The following GALNT13 variants were observed in gnomAD, a reference collection of about 807,000 sequenced individuals.
GALNT13 encodes UDP-GalNAc:polypeptide N-acetylgalactosaminyltransferase 13.
Under a neutral mutation model 64.2 loss-of-function variants are expected in GALNT13, and 28 were observed. The observed-to-expected ratio is 0.44, with a 90% CI of 0.32 to 0.60. GALNT13 has a LOEUF of 0.60. Ranked by LOEUF, GALNT13 falls within the 20% of genes least tolerant of loss-of-function variation. GALNT13 has a pLI of 0.05. For missense variants in GALNT13, 577 were observed against 669.8 expected, an observed-to-expected ratio of 0.86 and a Z score of 1.53; for synonymous variants, 214 against 224.6, an observed-to-expected ratio of 0.95 and a Z score of 0.42.
At chr2:153,200,452 A>T in the GALNT13 span, among the ~76,000 whole-genome samples, 1 of 152,016 alleles carries the variant, frequency 6.6e-6, no homozygotes, top group Non-Finnish European at 1.5e-5. Context: ...ACCTGTGGAA[A>T]CCCTTTTGTG....
chr2:154,184,089 A>G (rs1011237050), intron 4 of GALNT13, among the ~76,000 whole-genome samples: 2 of 151,774 alleles, frequency 1.3e-5, no homozygotes, highest in African/African-American at 4.8e-5. Flanking sequence ...AATTTATAAT[A>G]TATTTGAACT....
chr2:154,031,737 A>G (rs1037674482), intron 3 of GALNT13, among the ~76,000 whole-genome samples: 20 of 152,028 alleles, frequency 1.3e-4, no homozygotes, highest in African/African-American at 4.8e-4. Flanking sequence ...ATATGTACTT[A>G]ACAACATAAA....
chr2:154,382,639 C>A (rs189357666), intron 9 of GALNT13, among the ~76,000 whole-genome samples: 2 of 151,892 alleles, frequency 1.3e-5, no homozygotes, highest in Non-Finnish European at 2.9e-5. Flanking sequence ...CAGTGTCCTG[C>A]GGGTAACTAA....
the GALNT13 span, among the ~76,000 whole-genome samples, chr2:153,554,940 CTG>C: frequency 6.6e-6 from 1 of 152,068 alleles, no homozygotes; most frequent in Non-Finnish European, 1.5e-5. Flanking sequence ...AATGCAAACT[CTG>C]TTAGAGCAGG....
At chr2:153,122,373 A>G in the GALNT13 span, among the ~76,000 whole-genome samples, 3 of 152,182 alleles carry the variant, frequency 2.0e-5, no homozygotes, top group African/African-American at 7.2e-5. Flanking sequence ...TGACCTGGCT[A>G]GATACTTTTA....
chr2:153,498,751 T>C, the GALNT13 span, among the ~76,000 whole-genome samples: 7 of 152,218 alleles, frequency 4.6e-5, no homozygotes, highest in African/African-American at 1.4e-4. Context: ...CTTCTCTCCT[T>C]CTCATTGCCT....
At chr2:153,575,625 AG>A in the GALNT13 span, among the ~76,000 whole-genome samples, 1 of 152,120 alleles carries the variant, frequency 6.6e-6, no homozygotes, top group African/African-American at 2.4e-5. Flanking sequence ...TTCTAAAGGC[AG>A]GGGAGGCTTA....
the GALNT13 span, among the ~76,000 whole-genome samples, chr2:153,680,032 A>C: frequency 1.3e-5 from 2 of 151,928 alleles, no homozygotes; most frequent in Non-Finnish European, 2.9e-5. Flanking sequence ...ATATTGTTTC[A>C]TATATTTGTC....
At chr2:153,566,348 G>GTTTTTTTTTT in the GALNT13 span, among the ~76,000 whole-genome samples, 296 of 74,730 alleles carry the variant, frequency 4.0e-3, 17 homozygotes, top group Middle Eastern at 0.014. Context: ...TTCTAATCAC[G>GTTTTTTTTTT]TTTTTTTTTT....
chr2:153,917,511 A>C (rs1285593713), intron 2 of GALNT13, among the ~76,000 whole-genome samples: 2 of 152,096 alleles, frequency 1.3e-5, no homozygotes, highest in Non-Finnish European at 2.9e-5. Flanking sequence ...AAACTTAAAA[A>C]TTTTTCTAGA....
intron 10 of GALNT13, among the ~76,000 whole-genome samples, chr2:154,406,502 G>A (rs1699549476): frequency 6.6e-6 from 1 of 152,094 alleles, no homozygotes; most frequent in South Asian, 2.1e-4. Flanking sequence ...ATTTCACTCA[G>A]TACTGTCCAA....
At chr2:153,542,379 G>A in the GALNT13 span, among the ~76,000 whole-genome samples, 1 of 151,406 alleles carries the variant, frequency 6.6e-6, no homozygotes, top group African/African-American at 2.4e-5. Context: ...ACCGGAAGTA[G>A]AAGCACATTT....
the GALNT13 span, among the ~76,000 whole-genome samples, chr2:153,310,863 G>T: frequency 1.6e-4 from 24 of 152,288 alleles, no homozygotes; most frequent in African/African-American, 5.8e-4. Context: ...TGCAAGAATG[G>T]CTACATCTCT....
the GALNT13 span, among the ~76,000 whole-genome samples, chr2:153,734,636 T>C: frequency 6.6e-6 from 1 of 152,196 alleles, no homozygotes; most frequent in Non-Finnish European, 1.5e-5. Context: ...GGATGGATTC[T>C]GCCCTGTAAG....
chr2:154,360,533 C>T (rs555035293), intron 9 of GALNT13, among the ~76,000 whole-genome samples: 5 of 152,208 alleles, frequency 3.3e-5, no homozygotes, highest in Admixed American at 2.0e-4. Flanking sequence ...CGCAGAAAAG[C>T]GAAAAACATT....
chr2:154,134,286 C>T (rs1682823571), intron 3 of GALNT13, among the ~76,000 whole-genome samples: 1 of 152,126 alleles, frequency 6.6e-6, no homozygotes, highest in African/African-American at 2.4e-5. Flanking sequence ...AGAGAGTTAT[C>T]TTACCTGAAA....
the GALNT13 span, among the ~76,000 whole-genome samples, chr2:153,391,047 AG>A: frequency 1.3e-4 from 20 of 151,942 alleles, no homozygotes; most frequent in African/African-American, 4.8e-4. Flanking sequence ...TAAGATGGTG[AG>A]GGAATTTGCC....
the GALNT13 span, among the ~76,000 whole-genome samples, chr2:153,644,093 G>A: frequency 6.6e-6 from 1 of 151,874 alleles, no homozygotes; most frequent in African/African-American, 2.4e-5. Context: ...AAACTATGAG[G>A]AATAGAAAGG....
chr2:154,000,717 TA>T (rs1320809355), intron 3 of GALNT13, among the ~76,000 whole-genome samples: 3 of 152,066 alleles, frequency 2.0e-5, no homozygotes, highest in Admixed American at 1.3e-4. Context: ...AAGTATGGTC[TA>T]TACTGGAGAA....
Sources: allele counts gnomAD v4.1 joint callset (sites outside exome capture counted in the v4.1 genomes callset), GRCh38; gene constraint gnomAD v4.1.1; transcripts MANE v1.5; gene names NCBI Gene and HGNC (gene_info 2026-07-23, HGNC 2026-07-21).